Variants in SLC2A13 observed in about 807,000 individuals in gnomAD.
SLC2A13 encodes the protein solute carrier family 2 member 13.
Under a neutral mutation model 64.4 loss-of-function variants are expected in SLC2A13, and 32 were observed. The observed-to-expected ratio is 0.50, with a 90% CI of 0.37 to 0.67. The LOEUF (loss-of-function observed/expected upper bound fraction) is 0.67. SLC2A13 is among the 30% of genes least tolerant of loss of function. The pLI, the probability that SLC2A13 is intolerant of heterozygous loss-of-function variation, is 0.00. For synonymous variants in SLC2A13, 338 were observed against 327.1 expected, an observed-to-expected ratio of 1.03 and a Z score of -0.36; for missense variants, 743 against 829.2, an observed-to-expected ratio of 0.90 and a Z score of 1.28.
intron 3 of SLC2A13, among the ~76,000 whole-genome samples, chr12:40,010,003 T>C (rs117990077): frequency 0.025 from 3,823 of 152,322 alleles, 78 homozygotes; most frequent in Non-Finnish European, 0.035. Context: ...TATTTATACT[T>C]CTTCAATTCT....
chr12:39,980,832 C>T (rs1201609183), intron 3 of SLC2A13, among the ~76,000 whole-genome samples: 1 of 152,132 alleles, frequency 6.6e-6, no homozygotes. Flanking sequence ...ACCTAACAGA[C>T]ATCTACAGAA....
rs746265709 is a variant in SLC2A13 at position 39,755,957 on chromosome 12, A to C, written c.*4069T>G. On this transcript the variant is annotated 3_prime_UTR_variant, in exon 10 of 10. Transcript: ENST00000280871. ...TTCCTTCTCTAAAGAGACAAGATAC[A>C]AGAAAGAGTTGGTAGCAGTTAGCTA... The C allele has an allele frequency of 3.3e-5, 5 of 152,050 alleles. No individual in the cohort carries two copies. Among genetic ancestry groups the C allele is most frequent in the Non-Finnish European group, 4.4e-5 (3 of 67,852 alleles). 9.4% of individuals were successfully genotyped at this position (152,050 alleles called of 1,614,324 possible). A position where few individuals can be genotyped will look rare whatever the true frequency, so the allele number is the denominator to read the frequency against.
At chr12:39,764,880 G>A (rs746495764) in intron 7 of SLC2A13, 22 bp from the exon 8 acceptor site, 4 of 1,604,420 alleles carry the variant, frequency 2.5e-6, no homozygotes, top group Non-Finnish European at 3.4e-6. Flanking sequence ...TGCAATATAA[G>A]TATTAACTTA....
chr12:39,771,054 A>G (rs1238942494), intron 7 of SLC2A13, among the ~76,000 whole-genome samples: 1 of 152,170 alleles, frequency 6.6e-6, no homozygotes, highest in African/African-American at 2.4e-5. Context: ...ATTTCACATG[A>G]TATAGGCAAG....
At chr12:40,034,477 C>T (rs1051841640) in intron 2 of SLC2A13, among the ~76,000 whole-genome samples, 1 of 152,120 alleles carries the variant, frequency 6.6e-6, no homozygotes, top group Non-Finnish European at 1.5e-5. Flanking sequence ...GGCTTTCTAG[C>T]AAATTCTCTA....
At chr12:39,919,290 C>T (rs1361176339) in intron 4 of SLC2A13, among the ~76,000 whole-genome samples, 5 of 152,072 alleles carry the variant, frequency 3.3e-5, no homozygotes, top group Non-Finnish European at 4.4e-5. Context: ...TTCTTCTTGG[C>T]CAATGCTTAA....
intron 4 of SLC2A13, among the ~76,000 whole-genome samples, chr12:39,894,344 G>A (rs1944686081): frequency 1.3e-5 from 2 of 152,162 alleles, no homozygotes; most frequent in African/African-American, 4.8e-5. Context: ...GAACATTTGT[G>A]AATATGATGA....
intron 7 of SLC2A13, among the ~76,000 whole-genome samples, chr12:39,784,859 C>T (rs1240049480): frequency 1.3e-5 from 2 of 152,082 alleles, no homozygotes; most frequent in African/African-American, 2.4e-5. Flanking sequence ...GCATTTTGCC[C>T]CTGCCCTAGA....
chr12:39,771,952 C>CTCTT (rs1456583588), intron 7 of SLC2A13, among the ~76,000 whole-genome samples: 1 of 152,120 alleles, frequency 6.6e-6, no homozygotes, highest in East Asian at 1.9e-4. Flanking sequence ...TGAAGGCAAA[C>CTCTT]TCTTACTCTT....
At position 39,942,905 on chromosome 12, in the gene SLC2A13, G is replaced by C. The variant is rs373074284; in HGVS notation, c.1034+8352C>G. Reference sequence around the variant, plus strand: ...ATCTTCATGGATTTATCTACCTCTGGTCTTTGATGTTGGTGACCTTCAGCT... The same window carrying C: ...ATCTTCATGGATTTATCTACCTCTGCTCTTTGATGTTGGTGACCTTCAGCT... On this transcript the variant is annotated intron_variant, in intron 4 of 9. Transcript: ENST00000280871. 3.9e-5 allele frequency among the ~76,000 whole-genome samples: 6 copies of C among 151,952 alleles called. No individual in the cohort carries two copies. In the South Asian group the frequency reaches 1.3e-3, roughly 32 times the overall value.
intron 4 of SLC2A13, among the ~76,000 whole-genome samples, chr12:39,945,909 T>TGG (rs144325427): frequency 1.0e-3 from 152 of 149,522 alleles, no homozygotes; most frequent in African/African-American, 2.6e-3. Context: ...CGTGATTTTT[T>TGG]GTGGGGGGGT....
chr12:40,092,324 G>A (rs1475770817), intron 1 of SLC2A13, among the ~76,000 whole-genome samples: 1 of 152,142 alleles, frequency 6.6e-6, no homozygotes. Flanking sequence ...TAAGACCAGT[G>A]TTTTAATTAT....
chr12:40,008,442 C>T (rs1947461940), intron 3 of SLC2A13, among the ~76,000 whole-genome samples: 1 of 152,034 alleles, frequency 6.6e-6, no homozygotes, highest in Non-Finnish European at 1.5e-5. Context: ...CCCGTCTCTA[C>T]TGAAAATACA....
chr12:40,031,533 A>G (rs1947906096), intron 2 of SLC2A13, among the ~76,000 whole-genome samples: 1 of 151,720 alleles, frequency 6.6e-6, no homozygotes, highest in South Asian at 2.1e-4. Context: ...GTTACTTAAC[A>G]TTTTAACACA....
intron 3 of SLC2A13, among the ~76,000 whole-genome samples, chr12:39,964,596 T>C (rs1395404622): frequency 6.6e-6 from 1 of 152,204 alleles, no homozygotes; most frequent in Non-Finnish European, 1.5e-5. Flanking sequence ...AAACTATCTT[T>C]ACCATGTCGG....
intron 7 of SLC2A13, among the ~76,000 whole-genome samples, chr12:39,807,468 AC>A (rs544391538): frequency 1.9e-4 from 29 of 152,340 alleles, no homozygotes; most frequent in African/African-American, 6.5e-4. Flanking sequence ...TGGGATCTCT[AC>A]ATTATTTCTT....
chr12:40,057,056 T>C (rs1313882699), intron 1 of SLC2A13, among the ~76,000 whole-genome samples: 1 of 151,596 alleles, frequency 6.6e-6, no homozygotes, highest in Non-Finnish European at 1.5e-5. Context: ...AAAAAGACAA[T>C]AGACTAAAAT....
chr12:40,096,523 T>TA (rs1384624427), intron 1 of SLC2A13, among the ~76,000 whole-genome samples: 1 of 151,940 alleles, frequency 6.6e-6, no homozygotes, highest in East Asian at 1.9e-4. Flanking sequence ...CAAAAAAAAT[T>TA]AGAGACTCTT....
At chr12:40,078,587 C>A (rs1433176216) in intron 1 of SLC2A13, among the ~76,000 whole-genome samples, 2 of 152,054 alleles carry the variant, frequency 1.3e-5, no homozygotes, top group East Asian at 3.8e-4. Flanking sequence ...GGGATATTAG[C>A]CTGAAGTTTT....
Sources: gnomAD v4.1 joint callset for allele counts (sites outside exome capture counted in the v4.1 genomes callset) on GRCh38, gnomAD v4.1.1 for gene constraint, MANE v1.5 for transcripts, NCBI Gene and HGNC (gene_info 2026-07-23, HGNC 2026-07-21) for gene names.